PKNOX1: variants seen among roughly 807,000 people sequenced by gnomAD.
The protein encoded by PKNOX1 is homeobox protein PKNOX1.
A neutral mutation model predicts 51.9 loss-of-function variants in PKNOX1; 15 were observed. The ratio of observed to expected loss-of-function variants is 0.29; its 90% CI spans 0.19 to 0.45. The LOEUF (loss-of-function observed/expected upper bound fraction) is 0.45, where lower values mean the gene tolerates loss of function less well. Among genes scored for constraint, PKNOX1 ranks in the 20% least tolerant of loss-of-function variants. PKNOX1 has a pLI of 1.00. For synonymous variants in PKNOX1, 219 were observed against 211.1 expected (o/e 1.04, Z -0.32); for missense variants, 462 against 547.5 (o/e 0.84, Z 1.56).
At chr21:42,990,558 A>G (rs766548884) in intron 1 of PKNOX1, among the ~76,000 whole-genome samples, 1 of 152,204 alleles carries the variant, frequency 6.6e-6, no homozygotes, top group Non-Finnish European at 1.5e-5. Context: ...CATATCTGCT[A>G]TAGTACTGAT....
chr21:43,007,184 A>G (rs2146265519), intron 2 of PKNOX1, among the ~76,000 whole-genome samples: 1 of 152,356 alleles, frequency 6.6e-6, no homozygotes, highest in South Asian at 2.1e-4. Context: ...GTGAGGAGAT[A>G]TAGCAATAGA....
intron 2 of PKNOX1, among the ~76,000 whole-genome samples, chr21:43,006,747 G>T (rs1979004274): frequency 3.9e-5 from 6 of 152,186 alleles, no homozygotes; most frequent in Admixed American, 3.3e-4. Flanking sequence ...GCTTCCTCAA[G>T]GGGCAGAAGC....
intron 1 of PKNOX1, among the ~76,000 whole-genome samples, chr21:42,975,042 C>T (rs1181714306): frequency 3.0e-5 from 1 of 33,168 alleles, no homozygotes; most frequent in Non-Finnish European, 6.2e-5. Context: ...GCGCGCGCCC[C>T]GGCGCGGGGC....
intron 1 of PKNOX1, among the ~76,000 whole-genome samples, chr21:42,979,106 G>A (rs866388940): frequency 1.3e-5 from 2 of 152,164 alleles, no homozygotes; most frequent in Non-Finnish European, 2.9e-5. Context: ...TCATTATGTT[G>A]CCTCGGCTGT....
At chr21:42,994,520 A>G (rs1261453351) in intron 1 of PKNOX1, among the ~76,000 whole-genome samples, 1 of 150,964 alleles carries the variant, frequency 6.6e-6, no homozygotes, top group Non-Finnish European at 1.5e-5. Flanking sequence ...CAATCTATAC[A>G]TTTTGAAATT....
rs1259199366 is a variant in PKNOX1, at chr21:43,018,373, TG to T, written c.720+144del. On this transcript the variant is annotated intron_variant, in intron 7 of 10. Transcript: ENST00000291547. ...CTGGTTTCTCTGAATGTCAGTGTTT[TG>T]TTTCTTTGTACTCTTATCTCTCGCA... 3 of 597,256 alleles carry T rather than the reference TG, an allele frequency of 5.0e-6. No individual in the cohort carries two copies. In the African/African-American group the frequency reaches 5.6e-5, roughly 11 times the overall value. 37.0% of individuals were successfully genotyped at this position (597,256 alleles called of 1,614,324 possible).
chr21:43,002,648 T>C (rs893243025), intron 1 of PKNOX1, among the ~76,000 whole-genome samples: 1 of 152,200 alleles, frequency 6.6e-6, no homozygotes, highest in Non-Finnish European at 1.5e-5. Context: ...TGGCTCAATG[T>C]GCTCAAGAGG....
chr21:42,984,977 T>G (rs1309460714), intron 1 of PKNOX1, among the ~76,000 whole-genome samples: 3 of 69,862 alleles, frequency 4.3e-5, no homozygotes. Context: ...TTCTTTTCTT[T>G]TTTTTTTTTT....
At chr21:43,007,465 TAAG>T in intron 2 of PKNOX1, 23 bp from the exon 3 acceptor site, 2 of 1,611,630 alleles carry the variant, frequency 1.2e-6, no homozygotes, top group Non-Finnish European at 1.7e-6. Context: ...TGTTTGCTAA[TAAG>T]AATTATCTTC....
chr21:43,019,925 ATTTTTTTTTT>A (rs60174298), intron 7 of PKNOX1, among the ~76,000 whole-genome samples: 20 of 85,906 alleles, frequency 2.3e-4, no homozygotes, highest in African/African-American at 7.0e-4. Flanking sequence ...AGGTGCTCTG[ATTTTTTTTTT>A]TTTTTTTTTT....
chr21:43,011,658 G>A (rs953599532), intron 4 of PKNOX1, among the ~76,000 whole-genome samples: 1 of 152,144 alleles, frequency 6.6e-6, no homozygotes, highest in Admixed American at 6.5e-5. Context: ...GATTCCCTTC[G>A]AGCCATCTTG....
chr21:43,020,400 G>T (rs1217066894), intron 7 of PKNOX1: 1 of 152,314 alleles, frequency 6.6e-6, no homozygotes. Flanking sequence ...GGGAGGCCGT[G>T]CCAGGGCCTG....
At chr21:42,988,329 G>A (rs987795703) in intron 1 of PKNOX1, among the ~76,000 whole-genome samples, 2 of 152,154 alleles carry the variant, frequency 1.3e-5, no homozygotes, top group Non-Finnish European at 2.9e-5. Context: ...GATTACAGGC[G>A]TGAGCCACTG....
rs1318247901 is a variant in PKNOX1 at position 43,021,252 on chromosome 21, G to A, written c.721-51G>A. ...CTCCACCTGCAGTTGTAAGTACTTG[G>A]ATATGTGAGAATTTCCTATGCTTTC... On this transcript the variant is annotated intron_variant, in intron 7 of 10. Transcript: ENST00000291547. This position sits in a 1 kb window ranked among gnomAD's most constrained non-coding sequence, Gnocchi z 4.6. 1.3e-6 allele frequency: 2 copies of A among 1,484,236 alleles called. No individual in the cohort carries two copies. The highest frequency in any genetic ancestry group is 1.8e-6 in the Non-Finnish European group (2 of 1,084,710). 91.9% of individuals were successfully genotyped at this position (1,484,236 alleles called of 1,614,324 possible).
chr21:43,025,327 G>C (rs1979942507), intron 9 of PKNOX1, among the ~76,000 whole-genome samples: 1 of 152,198 alleles, frequency 6.6e-6, no homozygotes, highest in African/African-American at 2.4e-5. Context: ...GGGTGCTACT[G>C]TCCCCAAGCC....
chr21:43,017,216 A>G (rs1238413736), intron 6 of PKNOX1: 4 of 365,148 alleles, frequency 1.1e-5, no homozygotes, highest in Non-Finnish European at 2.0e-5. Flanking sequence ...TTCTCTACCA[A>G]AAATATATTG....
At chr21:42,979,954 CCTT>C (rs1476171584) in intron 1 of PKNOX1, among the ~76,000 whole-genome samples, 2 of 152,192 alleles carry the variant, frequency 1.3e-5, no homozygotes, top group Non-Finnish European at 2.9e-5. Context: ...CAAAGATTAA[CCTT>C]CTGCGCTTAT....
rs1431689349 is a variant in PKNOX1 at position 43,021,842 on chromosome 21, C to T, written c.849+411C>T. On this transcript the variant is annotated intron_variant, in intron 8 of 10. Coordinates refer to ENST00000291547, the MANE Select transcript of PKNOX1 (RefSeq NM_004571.5). The surrounding 1 kb of genome is among the most constrained non-coding windows in gnomAD (Gnocchi z 4.6). ...GCCGGGTGCACCCACAGGTGGGCCA[C>T]CGGGTGGGTGCCTTTAGCTGGAAGC... Among the ~76,000 whole-genome samples, 1 of 152,238 alleles carries T rather than the reference C, an allele frequency of 6.6e-6. No homozygotes were observed. Among genetic ancestry groups the T allele is most frequent in the African/African-American group, 2.4e-5 (1 of 41,474 alleles).
intron 8 of PKNOX1, 65 bp from the exon 9 acceptor site, chr21:43,024,806 C>A: frequency 9.7e-7 from 1 of 1,032,716 alleles, no homozygotes; most frequent in Non-Finnish European, 1.5e-6. Flanking sequence ...TCACATTTTG[C>A]CTAAATCGTC....
Sources: gnomAD v4.1 joint callset for allele counts (sites outside exome capture counted in the v4.1 genomes callset) on GRCh38, gnomAD v4.1.1 for gene constraint, Gnocchi (gnomAD v3.1) non-coding constraint, MANE v1.5 for transcripts, NCBI Gene and HGNC (gene_info 2026-07-23, HGNC 2026-07-21) for gene names.